The following B3GLCT variants were observed in gnomAD, a reference collection of about 807,000 sequenced individuals.
B3GLCT encodes the protein beta 3-glucosyltransferase, also known as beta-1,3-glucosyltransferase.
B3GLCT carries 65 observed loss-of-function variants against 63.4 expected under a neutral mutation model. That is an observed-to-expected ratio of 1.03 (90% CI 0.84 to 1.26). B3GLCT has a LOEUF of 1.26. Ranked by LOEUF, B3GLCT falls within the 50% of genes most tolerant of loss-of-function variation. The pLI is 0.00. For missense variants in B3GLCT, 577 were observed against 604.8 expected (o/e 0.95, Z 0.48); for synonymous variants, 233 against 219.2 (o/e 1.06, Z -0.55).
intron 3 of B3GLCT, among the ~76,000 whole-genome samples, chr13:31,224,043 G>A (rs1593254880): frequency 6.6e-6 from 1 of 152,176 alleles, no homozygotes; most frequent in Admixed American, 6.5e-5. Context: ...CCCTTCCTGG[G>A]CCTGGGTTCT....
intron 1 of B3GLCT, among the ~76,000 whole-genome samples, chr13:31,206,536 C>T (rs1036699805): frequency 1.0e-4 from 15 of 143,792 alleles, no homozygotes; most frequent in African/African-American, 2.6e-4. Flanking sequence ...GTCAGGGGTT[C>T]GAGACCAGCC....
chr13:31,247,054 T>G lies in B3GLCT; in HGVS notation c.302T>G (p.Leu101Arg). 1 of 1,613,674 alleles carries G rather than the reference T, an allele frequency of 6.2e-7. No homozygotes were observed. Residue 101 changes from leucine (L) to arginine (R), a missense_variant, in exon 5 of 15, where the codon CTG becomes CGG. By Grantham distance (102) the Leu-to-Arg change is moderately radical. Transcript: ENST00000343307. ...CCCAGTGTCCTCCTCCTTCATCAGC[T>G]GGCTAAACAAGAAGGTGCATGGACC... ...ELPSVLLLHQ[L>R]AKQEGAWTIL...
chr13:31,287,465 T>C (rs1873391222), intron 12 of B3GLCT, among the ~76,000 whole-genome samples: 1 of 152,120 alleles, frequency 6.6e-6, no homozygotes, highest in Admixed American at 6.5e-5. Flanking sequence ...TAAGCACTTT[T>C]CCAGTCCTGC....
At position 31,247,824 on chromosome 13, in the gene B3GLCT, G is replaced by A. The variant is rs371293220; in HGVS notation, c.348-31G>A. 22 of 1,121,816 alleles carry A rather than the reference G, an allele frequency of 2.0e-5. No homozygotes were observed. The African/African-American group carries it at 2.9e-4, about 15-fold the overall frequency. 69.5% of individuals were successfully genotyped at this position (1,121,816 alleles called of 1,614,324 possible). ...CTTATTATTAACTTATTTTACAGAAGTGATTACTGAAACTTGTTTCTTTTG... is the reference window on the plus strand; with the variant it reads ...CTTATTATTAACTTATTTTACAGAAATGATTACTGAAACTTGTTTCTTTTG... On this transcript the variant is annotated intron_variant, in intron 5 of 14. Transcript: ENST00000343307.
chr13:31,230,938 A>G (rs1181149220), intron 4 of B3GLCT, among the ~76,000 whole-genome samples: 2 of 152,080 alleles, frequency 1.3e-5, no homozygotes, highest in Non-Finnish European at 2.9e-5. Flanking sequence ...AACCCAGGAG[A>G]CAGAGGTTGC....
intron 13 of B3GLCT, among the ~76,000 whole-genome samples, chr13:31,319,484 C>G (rs1437098332): frequency 2.0e-5 from 3 of 152,182 alleles, no homozygotes. Flanking sequence ...TATCCTGTTT[C>G]ACTGACAGCC....
chr13:31,329,747 A>AGC lies in B3GLCT; in HGVS notation c.*79_*80insGC. ...CCTCATCCCACTGTGCTGTGCTCAC[A>AGC]ACACTTGTGTCTGCCACATGGCATT... On this transcript the variant is annotated 3_prime_UTR_variant, in exon 15 of 15. Transcript: ENST00000343307. 2.0e-6 allele frequency: 3 copies of AGC among 1,506,548 alleles called. No homozygotes were observed. The highest frequency in any genetic ancestry group is 2.8e-6 in the Non-Finnish European group (3 of 1,089,420). The allele number at this position is 1,506,548 out of a possible 1,614,324, so 93.3% of individuals were successfully genotyped here.
At chr13:31,317,502 T>C (rs1403951758) in intron 12 of B3GLCT, 64 bp from the exon 13 acceptor site, 13 of 1,598,910 alleles carry the variant, frequency 8.1e-6, no homozygotes, top group Non-Finnish European at 1.0e-5. Context: ...GTAAGAACCA[T>C]AAACTGTTCC....
intron 7 of B3GLCT, among the ~76,000 whole-genome samples, chr13:31,266,973 G>T (rs897776014): frequency 1.3e-5 from 2 of 152,034 alleles, no homozygotes; most frequent in Non-Finnish European, 2.9e-5. Context: ...GTTTCACCTT[G>T]TTGGCCAGGC....
chr13:31,217,736 G>C (rs991432883), intron 2 of B3GLCT, among the ~76,000 whole-genome samples: 9 of 152,268 alleles, frequency 5.9e-5, no homozygotes, highest in African/African-American at 1.9e-4. Flanking sequence ...AGATCAGATG[G>C]TTGTAGGTGT....
At chr13:31,221,052 A>G (rs936471315) in intron 2 of B3GLCT, among the ~76,000 whole-genome samples, 1 of 152,194 alleles carries the variant, frequency 6.6e-6, no homozygotes, top group African/African-American at 2.4e-5. Flanking sequence ...GAGGAAGAGC[A>G]TTGGGACCGA....
chr13:31,270,965 C>T (rs535385643), intron 8 of B3GLCT, among the ~76,000 whole-genome samples: 76 of 152,250 alleles, frequency 5.0e-4, no homozygotes, highest in African/African-American at 1.7e-3. Context: ...AGGTTTCCAC[C>T]TCATAAAATG....
intron 6 of B3GLCT, among the ~76,000 whole-genome samples, chr13:31,256,764 G>T (rs900767952): frequency 2.6e-5 from 4 of 152,156 alleles, no homozygotes; most frequent in Non-Finnish European, 4.4e-5. Flanking sequence ...ACACACCAGA[G>T]CCTTGTGGGC....
At chr13:31,270,598 A>G (rs1334280552) in intron 8 of B3GLCT, among the ~76,000 whole-genome samples, 1 of 152,210 alleles carries the variant, frequency 6.6e-6, no homozygotes, top group East Asian at 1.9e-4. Context: ...GCCTGGTTTA[A>G]GAAGGAGACA....
Position 31,247,949 on chromosome 13 carries a change from A to G in B3GLCT, c.442A>G (p.Arg148Gly). ...QIPKLLETLRRYDPSKEWFLG... is the reference protein window; with the variant it reads ...QIPKLLETLRGYDPSKEWFLG... ...TCCAAAACTCTTGGAAACCCTCAGA[A>G]GATATGACCCCTCTAAGGTGAATAT... Residue 148 changes from arginine (R) to glycine (G), a missense_variant, in exon 6 of 15, where the codon AGA (arginine) becomes GGA (glycine). Transcript: ENST00000343307. 2 of 1,591,718 alleles carry G rather than the reference A, an allele frequency of 1.3e-6. No individual in the cohort carries two copies. The highest frequency in any genetic ancestry group is 2.2e-5 in the South Asian group (2 of 90,622).
chr13:31,297,083 G>A lies in B3GLCT; in HGVS notation c.1064+10264G>A, dbSNP rs778858026. ...AGCATAATGTCTTCGAAATTTATCCGTGTTGTAGCATATTGCAGAATTTCC... is the reference window on the plus strand; with the variant it reads ...AGCATAATGTCTTCGAAATTTATCCATGTTGTAGCATATTGCAGAATTTCC... On this transcript the variant is annotated intron_variant, in intron 12 of 14. Transcript: ENST00000343307. Among the ~76,000 whole-genome samples the A allele has an allele frequency of 7.3e-5, 11 of 150,488 alleles. No homozygotes were observed. In the East Asian group the frequency reaches 9.7e-4, roughly 13 times the overall value.
rs938429920 is a variant in B3GLCT at position 31,330,189 on chromosome 13, C to T, written c.*521C>T. The stretch of plus-strand genomic sequence containing the variant: ...CCTGGGAACTCAGTAGGAATAATAC[C>T]GTATTAAGGAATAATACTGTACATA... On this transcript the variant is annotated 3_prime_UTR_variant, in exon 15 of 15. Transcript: ENST00000343307. 35 of 169,782 alleles carry T rather than the reference C, an allele frequency of 2.1e-4. No homozygotes were observed. The highest frequency in any genetic ancestry group is 3.6e-4 in the Non-Finnish European group (28 of 78,446). The allele number at this position is 169,782 out of a possible 1,614,324, so 10.5% of individuals were successfully genotyped here.
chr13:31,329,020 G>C (rs1464408920), intron 14 of B3GLCT, among the ~76,000 whole-genome samples: 1 of 152,182 alleles, frequency 6.6e-6, no homozygotes, highest in Non-Finnish European at 1.5e-5. Context: ...TGAGCTCCTT[G>C]TTTTCTTTCT....
intron 3 of B3GLCT, among the ~76,000 whole-genome samples, chr13:31,224,418 A>C (rs1368204397): frequency 5.9e-5 from 9 of 152,178 alleles, no homozygotes; most frequent in African/African-American, 2.2e-4. Flanking sequence ...ATATTCTTGC[A>C]ATTGCACATG....
Sources: gnomAD v4.1 joint callset for allele counts (sites outside exome capture counted in the v4.1 genomes callset) on GRCh38, gnomAD v4.1.1 for gene constraint, MANE v1.5 for transcripts, NCBI Gene and HGNC (gene_info 2026-07-23, HGNC 2026-07-21) for gene names.